Variants in GORAB observed in about 807,000 individuals in gnomAD.
The protein encoded by GORAB is golgin, RAB6 interacting.
A neutral mutation model predicts 29.9 loss-of-function variants in GORAB; 17 were observed. The observed-to-expected ratio is 0.57, with a 90% CI of 0.39 to 0.85. The LOEUF (loss-of-function observed/expected upper bound fraction) is 0.85. GORAB is among the 40% of genes least tolerant of loss of function. The pLI, the probability that GORAB is intolerant of heterozygous loss-of-function variation, is 0.00. For synonymous variants in GORAB, 183 were observed against 157.2 expected (o/e 1.16, Z -1.23); for missense variants, 442 against 437.8 (o/e 1.01, Z -0.09).
At chr1:170,536,454 T>G (rs1649068142) in intron 1 of GORAB, 1 of 152,152 alleles carries the variant, frequency 6.6e-6, no homozygotes, top group African/African-American at 2.4e-5. Flanking sequence ...TTGACAAAAA[T>G]TAAAACATCT....
Position 170,542,865 on chromosome 1 carries a change from C to T in GORAB, c.521+273C>T, listed in dbSNP as rs569362011. On this transcript the variant is annotated intron_variant, in intron 3 of 4. Transcript: ENST00000367763. Reference sequence around the variant, plus strand: ...TAGTGCTCCCAGTTTTAACCATCTACACATTCATAAGGGAAGCAGTAAATA... The same window carrying T: ...TAGTGCTCCCAGTTTTAACCATCTATACATTCATAAGGGAAGCAGTAAATA... Among the ~76,000 whole-genome samples the T allele has an allele frequency of 4.4e-4, 67 of 152,302 alleles. 1 individual carries two copies. The highest frequency in any genetic ancestry group is 1.3e-3 in the Admixed American group (20 of 15,290).
At position 170,544,067 on chromosome 1, in the gene GORAB, A is replaced by G. The variant is rs1385027448; in HGVS notation, c.522-638A>G. 2.6e-5 allele frequency among the ~76,000 whole-genome samples: 4 copies of G among 152,154 alleles called. No individual in the cohort carries two copies. The East Asian group carries it at 7.7e-4, about 29-fold the overall frequency. ...TTTGTTTGTTCCCTTTCTTAAGTAT[A>G]TATTGTACTTGGGAGAGGGGATTGA... is the stretch of plus-strand genomic sequence containing the variant. On this transcript the variant is annotated intron_variant, in intron 3 of 4. Coordinates refer to ENST00000367763, the MANE Select transcript of GORAB (RefSeq NM_152281.3).
At chr1:170,533,344 T>A (rs1322368059) in intron 1 of GORAB, 2 of 245,770 alleles carry the variant, frequency 8.1e-6, no homozygotes, top group African/African-American at 4.3e-5. Context: ...CAGGGGACTT[T>A]AAAAACTCTA....
At chr1:170,533,851 G>C (rs1031648837) in intron 1 of GORAB, among the ~76,000 whole-genome samples, 2 of 152,054 alleles carry the variant, frequency 1.3e-5, no homozygotes. Context: ...TTGTATACCC[G>C]TAGCTAAACA....
chr1:170,545,017 T>G (rs1405785228), intron 4 of GORAB, 172 bp downstream of exon 4: 1 of 1,350,062 alleles, frequency 7.4e-7, no homozygotes, highest in Non-Finnish European at 9.5e-7. Context: ...CAGTGAAGTC[T>G]TCCTTAACTC....
At chr1:170,547,479 G>T (rs1315968034) in intron 4 of GORAB, among the ~76,000 whole-genome samples, 1 of 151,964 alleles carries the variant, frequency 6.6e-6, no homozygotes, top group Non-Finnish European at 1.5e-5. Flanking sequence ...GTTCACCACT[G>T]GGATTACAAT....
rs1447557207 is a variant in GORAB, at chr1:170,532,173, G to A, written c.-51G>A. On this transcript the variant is annotated 5_prime_UTR_variant, in exon 1 of 5. Coordinates refer to ENST00000367763, the MANE Select transcript of GORAB (RefSeq NM_152281.3). ...GATGAGCTGGGCAGCAGTGTTGGCA[G>A]TCGCGGCTGCGAGATTTGGGCACTT... The A allele has an allele frequency of 1.2e-6, 2 of 1,613,570 alleles. No individual in the cohort carries two copies. Among genetic ancestry groups the A allele is most frequent in the African/African-American group, 2.7e-5 (2 of 75,044 alleles).
chr1:170,541,411 T>G (rs1649418887), intron 2 of GORAB, among the ~76,000 whole-genome samples: 1 of 151,902 alleles, frequency 6.6e-6, no homozygotes, highest in Non-Finnish European at 1.5e-5. Context: ...AAATCCCAGG[T>G]GTCAATATTG....
In GORAB at chr1:170,553,583, A is replaced by C; in HGVS notation, c.*1121A>C. 2.2e-6 allele frequency: 1 copy of C among 451,360 alleles called. No homozygotes were observed. Among genetic ancestry groups the C allele is most frequent in the South Asian group, 1.6e-5 (1 of 63,066 alleles). The allele number at this position is 451,360 out of a possible 1,614,324, so 28.0% of individuals were successfully genotyped here. On this transcript the variant is annotated 3_prime_UTR_variant, in exon 5 of 5. Transcript: ENST00000367763. ...ACAAGTATAAGATTGTATCCATAAA[A>C]GTTTCTGAAAAACTTAGGGACATCC... is the stretch of plus-strand genomic sequence containing the variant.
At chr1:170,539,695 A>G in intron 2 of GORAB, 128 bp downstream of exon 2, 1 of 989,598 alleles carries the variant, frequency 1.0e-6, no homozygotes, top group Non-Finnish European at 1.5e-6. Flanking sequence ...AATCATAGGA[A>G]TGTGATGTAT....
intron 4 of GORAB, among the ~76,000 whole-genome samples, chr1:170,547,621 T>TATTTTTAAATCACTTTATGAGTA (rs1649843102): frequency 6.6e-6 from 1 of 152,232 alleles, no homozygotes; most frequent in Non-Finnish European, 1.5e-5. Flanking sequence ...CACAGACGAA[T>TATTTTTAAATCACTTTATGAGTA]ATTTTTAAAT....
At position 170,539,578 on chromosome 1, in the gene GORAB, C is replaced by T. The variant is rs1485769458; in HGVS notation, c.419+11C>T. ...AAAGAAAGTGGAATTGTTAGTAAGT[C>T]TATGTGAAAAGTCCATGAGACTTTT... On this transcript the variant is annotated intron_variant, in intron 2 of 4. Coordinates refer to ENST00000367763, the MANE Select transcript of GORAB (RefSeq NM_152281.3). 2.5e-6 allele frequency: 4 copies of T among 1,613,356 alleles called. No individual in the cohort carries two copies. The Admixed American group carries it at 6.7e-5, about 27-fold the overall frequency.
chr1:170,532,338 G>A (rs939282275), intron 1 of GORAB, 54 bp downstream of exon 1: 3 of 1,586,268 alleles, frequency 1.9e-6, no homozygotes, highest in Non-Finnish European at 2.6e-6. Flanking sequence ...GGGAAGAGGC[G>A]GGGATGCAGC....
intron 2 of GORAB, 85 bp downstream of exon 2, chr1:170,539,652 TA>T: frequency 2.1e-6 from 3 of 1,414,426 alleles, no homozygotes; most frequent in Non-Finnish European, 2.9e-6. Context: ...ATAATTTGTT[TA>T]TTTTAACATT....
intron 2 of GORAB, among the ~76,000 whole-genome samples, chr1:170,541,189 G>A (rs886175141): frequency 1.0e-5 from 1 of 99,528 alleles, no homozygotes; most frequent in Admixed American, 1.7e-4. Flanking sequence ...GGGCAACAGA[G>A]CAAGATTCTG....
chr1:170,545,314 TTTTTA>T, intron 4 of GORAB: 1 of 978,118 alleles, frequency 1.0e-6, no homozygotes, highest in Non-Finnish European at 1.2e-6. Context: ...TCTAGTTTAG[TTTTTA>T]AAAGCTTATG....
chr1:170,551,205 A>T (rs1489606513), intron 4 of GORAB, among the ~76,000 whole-genome samples: 1 of 152,222 alleles, frequency 6.6e-6, no homozygotes, highest in Non-Finnish European at 1.5e-5. Flanking sequence ...AATTTTGGGA[A>T]TTACTGGCAA....
intron 2 of GORAB, among the ~76,000 whole-genome samples, chr1:170,540,269 G>C (rs573573637): frequency 6.6e-6 from 1 of 151,990 alleles, no homozygotes; most frequent in South Asian, 2.1e-4. Context: ...TCATAATTTA[G>C]CTACACTGTT....
chr1:170,543,618 G>T (rs2101826181), intron 3 of GORAB, among the ~76,000 whole-genome samples: 1 of 147,432 alleles, frequency 6.8e-6, no homozygotes, highest in South Asian at 2.2e-4. Context: ...GCAGATAAAA[G>T]AGTAGTGCCC....
Sources: gnomAD v4.1 joint callset for allele counts (sites outside exome capture counted in the v4.1 genomes callset) on GRCh38, gnomAD v4.1.1 for gene constraint, MANE v1.5 for transcripts, NCBI Gene and HGNC (gene_info 2026-07-23, HGNC 2026-07-21) for gene names.